Variants in NFILZ observed in about 807,000 individuals in gnomAD.
NFILZ encodes NFIL3 like protein.
intron 3 of NFILZ, among the ~76,000 whole-genome samples, chr19:8,658,029 A>G (rs1481316746): frequency 5.3e-5 from 8 of 152,088 alleles, no homozygotes; most frequent in African/African-American, 1.7e-4. Flanking sequence ...GGTTACAGGC[A>G]TTGGGAGAGA....
intron 3 of NFILZ, among the ~76,000 whole-genome samples, chr19:8,665,356 A>G (rs1331615949): frequency 6.6e-6 from 1 of 152,196 alleles, no homozygotes. Context: ...AAAATGGTCT[A>G]CGTGGCTGGA....
intron 3 of NFILZ, among the ~76,000 whole-genome samples, chr19:8,658,364 G>A (rs891639757): frequency 6.6e-6 from 1 of 152,174 alleles, no homozygotes. Context: ...GGGGGGCTGC[G>A]TTGTGCATTG....
At chr19:8,641,105 T>C (rs1250839211) in intron 3 of NFILZ, among the ~76,000 whole-genome samples, 1 of 152,166 alleles carries the variant, frequency 6.6e-6, no homozygotes, top group Non-Finnish European at 1.5e-5. Flanking sequence ...TATTCTCCAA[T>C]GTTTCTTTCT....
Position 8,633,733 on chromosome 19 carries a change from C to T in NFILZ, c.-261+1108C>T, listed in dbSNP as rs144391440. On this transcript the variant is annotated intron_variant, in intron 2 of 5. Transcript: ENST00000691075. ...ACTCAGCTCTTGTCCTGGGACAAGG[C>T]CCCCTGCCTCCTGGTCAAGGGAGCA... Among the ~76,000 whole-genome samples, 15 of 152,260 alleles carry T rather than the reference C, an allele frequency of 9.9e-5. 1 individual carries two copies. The highest frequency in any genetic ancestry group is 9.2e-4 in the Admixed American group (14 of 15,280).
intron 2 of NFILZ, among the ~76,000 whole-genome samples, chr19:8,633,898 CCT>C (rs2042882251): frequency 7.2e-6 from 1 of 138,206 alleles, no homozygotes; most frequent in African/African-American, 2.7e-5. Context: ...TTCCTTCCTT[CCT>C]TCCTTCCTTC....
At chr19:8,645,528 G>A (rs967736446) in intron 3 of NFILZ, among the ~76,000 whole-genome samples, 1 of 152,102 alleles carries the variant, frequency 6.6e-6, no homozygotes, top group African/African-American at 2.4e-5. Context: ...TCATCTTTTG[G>A]TTACAGTGAT....
chr19:8,672,303 C>CAA (rs201976806), intron 3 of NFILZ, among the ~76,000 whole-genome samples: 2 of 151,262 alleles, frequency 1.3e-5, no homozygotes, highest in African/African-American at 4.9e-5. Flanking sequence ...TTAGTTCATT[C>CAA]AAAAAAAATC....
intron 3 of NFILZ, among the ~76,000 whole-genome samples, chr19:8,647,714 A>C (rs1023981591): frequency 1.1e-4 from 16 of 151,480 alleles, no homozygotes; most frequent in African/African-American, 1.7e-4. Context: ...GTGGGAACTG[A>C]ACAATGAGAA....
At chr19:8,671,335 C>T (rs1230067964) in intron 3 of NFILZ, among the ~76,000 whole-genome samples, 1 of 152,088 alleles carries the variant, frequency 6.6e-6, no homozygotes, top group African/African-American at 2.4e-5. Flanking sequence ...ACTGTGTTTT[C>T]TTTAAATAAA....
chr19:8,641,853 TCTCA>T (rs377720288), intron 3 of NFILZ, among the ~76,000 whole-genome samples: 179 of 151,944 alleles, frequency 1.2e-3, no homozygotes, highest in African/African-American at 4.2e-3. Context: ...AGAGAGAGCT[TCTCA>T]CTCTGTTGCC....
rs551895596 is a variant in NFILZ at position 8,645,739 on chromosome 19, C to T, written c.-164+9993C>T. Among the ~76,000 whole-genome samples, 10 of 152,158 alleles carry T rather than the reference C, an allele frequency of 6.6e-5. No individual in the cohort carries two copies. In the East Asian group the frequency reaches 9.7e-4, roughly 15 times the overall value. ...GTGGACTACTGGGGAAGGATTGGGGCGTTAGCTGCAATGTGGAGCCTGAAC... is the reference window on the plus strand; with the variant it reads ...GTGGACTACTGGGGAAGGATTGGGGTGTTAGCTGCAATGTGGAGCCTGAAC... On this transcript the variant is annotated intron_variant, in intron 3 of 5. Coordinates refer to ENST00000691075, the MANE Select transcript of NFILZ (RefSeq NM_001378600.1).
At chr19:8,634,745 T>C (rs1776970178) in intron 2 of NFILZ, among the ~76,000 whole-genome samples, 1 of 151,974 alleles carries the variant, frequency 6.6e-6, no homozygotes, top group Non-Finnish European at 1.5e-5. Flanking sequence ...CTGGGCATAG[T>C]GGTGTGCATT....
chr19:8,659,001 T>G (rs1368423906), intron 3 of NFILZ, among the ~76,000 whole-genome samples: 1 of 151,572 alleles, frequency 6.6e-6, no homozygotes, highest in African/African-American at 2.4e-5. Flanking sequence ...ATCCCAGAAC[T>G]TTGGGAGGCC....
intron 3 of NFILZ, among the ~76,000 whole-genome samples, chr19:8,649,885 T>C (rs113160147): frequency 0.96 from 146,070 of 152,020 alleles, 70,383 homozygotes; most frequent in Non-Finnish European, 1. Flanking sequence ...GAGGCTGAAA[T>C]GGGCAGATCA....
At chr19:8,641,332 G>A (rs555154595) in intron 3 of NFILZ, among the ~76,000 whole-genome samples, 15 of 152,168 alleles carry the variant, frequency 9.9e-5, no homozygotes, top group African/African-American at 3.4e-4. Flanking sequence ...GATCACAGGC[G>A]TGAGCCATCA....
chr19:8,652,891 C>T (rs1305755327), intron 3 of NFILZ, among the ~76,000 whole-genome samples: 1 of 148,704 alleles, frequency 6.7e-6, no homozygotes, highest in African/African-American at 2.5e-5. Context: ...TCCTTCCTTC[C>T]TTTCTTTCCC....
At chr19:8,634,551 G>GT (rs1366186829) in intron 2 of NFILZ, among the ~76,000 whole-genome samples, 1 of 152,136 alleles carries the variant, frequency 6.6e-6, no homozygotes, top group African/African-American at 2.4e-5. Context: ...TTATTGTAAT[G>GT]TTTTTTCCTT....
Position 8,673,092 on chromosome 19 carries a change from T to A in NFILZ, c.-163-1459T>A, listed in dbSNP as rs531186075. On this transcript the variant is annotated intron_variant, in intron 3 of 5. Transcript: ENST00000691075. ...AGCGATTAGTGGGAGGTGGCATGAA[T>A]GGGGCCAGGGGAGAAGGATTTGAGG... 1.2e-4 allele frequency among the ~76,000 whole-genome samples: 18 copies of A among 151,950 alleles called. No individual in the cohort carries two copies. The South Asian group carries it at 3.8e-3, about 32-fold the overall frequency.
intron 3 of NFILZ, among the ~76,000 whole-genome samples, chr19:8,640,254 T>C (rs140451291): frequency 0.012 from 1,833 of 151,478 alleles, 42 homozygotes; most frequent in African/African-American, 0.043. Flanking sequence ...GCAGGTTGCC[T>C]CTCAAGATAC....
Sources: allele counts gnomAD v4.1 joint callset (sites outside exome capture counted in the v4.1 genomes callset), GRCh38; gene constraint gnomAD v4.1.1; transcripts MANE v1.5; gene names NCBI Gene and HGNC (gene_info 2026-07-23, HGNC 2026-07-21).